The following PDE7B variants were observed in gnomAD, a reference collection of about 807,000 sequenced individuals.
PDE7B encodes phosphodiesterase 7B.
Under a neutral mutation model 56.2 loss-of-function variants are expected in PDE7B, and 29 were observed. The observed-to-expected ratio is 0.52, with a 90% CI of 0.38 to 0.70. PDE7B has a LOEUF of 0.70. Among genes scored for constraint, PDE7B ranks in the 30% least tolerant of loss-of-function variants. PDE7B has a pLI of 0.00. For synonymous variants in PDE7B, 197 were observed against 196.9 expected (o/e 1.00, Z 0.00); for missense variants, 490 against 565.0 (o/e 0.87, Z 1.35).
chr6:136,110,489 G>A (rs547256685), intron 3 of PDE7B, among the ~76,000 whole-genome samples: 34 of 152,246 alleles, frequency 2.2e-4, no homozygotes, highest in East Asian at 1.4e-3. Flanking sequence ...GAAAACAACC[G>A]AAAGGCCTCT....
Position 135,892,064 on chromosome 6 carries a change from T to C in PDE7B, c.21+40045T>C, listed in dbSNP as rs368592455. 9.2e-5 allele frequency among the ~76,000 whole-genome samples: 14 copies of C among 152,302 alleles called. No individual in the cohort carries two copies. In the East Asian group the frequency reaches 2.7e-3, roughly 29 times the overall value. On this transcript the variant is annotated intron_variant, in intron 1 of 12. Transcript: ENST00000308191. ...TTGATTTTCCTCTTTTCTGATATTA[T>C]TGTTTACTATGTACCCAGTGAGTTC... is the stretch of plus-strand genomic sequence containing the variant.
chr6:136,131,704 T>C (rs1239080292), intron 3 of PDE7B, among the ~76,000 whole-genome samples: 1 of 152,150 alleles, frequency 6.6e-6, no homozygotes, highest in Non-Finnish European at 1.5e-5. Flanking sequence ...GTGAGACATG[T>C]GTTTTCAATT....
intron 2 of PDE7B, among the ~76,000 whole-genome samples, chr6:136,080,545 G>C (rs149704830): frequency 4.6e-5 from 7 of 152,132 alleles, no homozygotes; most frequent in Non-Finnish European, 8.8e-5. Context: ...TCTGAAGTTC[G>C]TAGGAAGATG....
intron 2 of PDE7B, among the ~76,000 whole-genome samples, chr6:135,994,263 A>G (rs988063124): frequency 1.3e-5 from 2 of 152,078 alleles, no homozygotes; most frequent in Admixed American, 6.6e-5. Context: ...ACACTTCAGA[A>G]TAAGCACATT....
intron 3 of PDE7B, among the ~76,000 whole-genome samples, chr6:136,129,977 G>A (rs923609153): frequency 6.6e-6 from 1 of 152,178 alleles, no homozygotes; most frequent in African/African-American, 2.4e-5. Context: ...GGTCCCACCT[G>A]AGTGGGTTTC....
At chr6:136,181,771 A>G (rs1239260559) in intron 11 of PDE7B, among the ~76,000 whole-genome samples, 1 of 152,112 alleles carries the variant, frequency 6.6e-6, no homozygotes, top group East Asian at 1.9e-4. Flanking sequence ...TAAAAAAAAA[A>G]AAATAATGAA....
intron 2 of PDE7B, among the ~76,000 whole-genome samples, chr6:135,990,098 G>GC (rs1775452992): frequency 1.5e-5 from 2 of 137,810 alleles, no homozygotes; most frequent in African/African-American, 5.3e-5. Context: ...GGGTTTTTTT[G>GC]TTTTTTTTTT....
intron 1 of PDE7B, among the ~76,000 whole-genome samples, chr6:135,867,543 A>G (rs1775285738): frequency 6.6e-6 from 1 of 152,240 alleles, no homozygotes; most frequent in South Asian, 2.1e-4. Flanking sequence ...TATTAAGCCT[A>G]CTACCCATTA....
At chr6:135,924,919 A>G (rs541714617) in intron 1 of PDE7B, among the ~76,000 whole-genome samples, 2 of 151,352 alleles carry the variant, frequency 1.3e-5, no homozygotes, top group African/African-American at 4.8e-5. Flanking sequence ...TGTTCTAAAA[A>G]CACAAACATT....
chr6:136,163,371 G>T (rs1778740730), intron 8 of PDE7B, among the ~76,000 whole-genome samples: 1 of 152,210 alleles, frequency 6.6e-6, no homozygotes. Flanking sequence ...GCCCCTTTTA[G>T]CCACGGCTGG....
At chr6:135,930,788 G>A (rs1216682771) in intron 1 of PDE7B, among the ~76,000 whole-genome samples, 1 of 152,144 alleles carries the variant, frequency 6.6e-6, no homozygotes, top group Non-Finnish European at 1.5e-5. Flanking sequence ...TATCTTAATG[G>A]TACATGGGTG....
intron 1 of PDE7B, among the ~76,000 whole-genome samples, chr6:135,903,994 A>G (rs1464290124): frequency 1.3e-5 from 2 of 152,206 alleles, no homozygotes; most frequent in African/African-American, 4.8e-5. Context: ...TTTTATTTGA[A>G]TAGAATGCTT....
At chr6:136,149,961 C>T (rs1778483134) in intron 5 of PDE7B, among the ~76,000 whole-genome samples, 1 of 152,084 alleles carries the variant, frequency 6.6e-6, no homozygotes, top group Non-Finnish European at 1.5e-5. Flanking sequence ...AGAGAAGAAT[C>T]CCATAATTTT....
chr6:135,925,592 C>T (rs1335704910), intron 1 of PDE7B, among the ~76,000 whole-genome samples: 1 of 151,876 alleles, frequency 6.6e-6, no homozygotes, highest in Admixed American at 6.6e-5. Context: ...CACAAAACAC[C>T]CAAGGGACTT....
At chr6:135,978,143 C>T (rs371830682) in intron 2 of PDE7B, among the ~76,000 whole-genome samples, 3 of 152,082 alleles carry the variant, frequency 2.0e-5, no homozygotes, top group African/African-American at 4.8e-5. Context: ...TAGCCTACTA[C>T]GCACCCAGGC....
chr6:136,142,584 C>T (rs887133475), intron 3 of PDE7B, among the ~76,000 whole-genome samples: 3 of 152,110 alleles, frequency 2.0e-5, no homozygotes, highest in East Asian at 1.9e-4. Context: ...GTGTGGGAGC[C>T]TAAGTCTCTT....
intron 2 of PDE7B, among the ~76,000 whole-genome samples, chr6:135,986,530 T>C (rs1775379631): frequency 6.6e-6 from 1 of 152,216 alleles, no homozygotes; most frequent in Admixed American, 6.5e-5. Context: ...GGTTATGTTT[T>C]CAGTGTGGAC....
intron 2 of PDE7B, among the ~76,000 whole-genome samples, chr6:136,095,267 A>G (rs1287215784): frequency 6.6e-6 from 1 of 152,308 alleles, no homozygotes; most frequent in Middle Eastern, 3.4e-3. Context: ...GATTTTTATA[A>G]CAGTATCAAT....
chr6:135,866,506 A>G (rs569425320), intron 1 of PDE7B, among the ~76,000 whole-genome samples: 2 of 152,274 alleles, frequency 1.3e-5, no homozygotes, highest in Non-Finnish European at 2.9e-5. Context: ...GAGGTTGCTA[A>G]TAGGCTAGGG....
Sources: gnomAD v4.1 joint callset for allele counts (sites outside exome capture counted in the v4.1 genomes callset) on GRCh38, gnomAD v4.1.1 for gene constraint, MANE v1.5 for transcripts, NCBI Gene and HGNC (gene_info 2026-07-23, HGNC 2026-07-21) for gene names.